METTL21C: variants seen among roughly 807,000 people sequenced by gnomAD.
The protein encoded by METTL21C is methyltransferase 21C, AARS1 lysine, also known as protein-lysine methyltransferase METTL21C.
METTL21C carries 21 observed loss-of-function variants against 25.9 expected under a neutral mutation model. That is an observed-to-expected ratio of 0.81 (90% CI 0.58 to 1.17). The LOEUF (loss-of-function observed/expected upper bound fraction) is 1.17, where lower values mean the gene tolerates loss of function less well. Ranked by LOEUF, METTL21C falls within the 50% of genes most tolerant of loss-of-function variation. The pLI is 0.00. For missense variants in METTL21C, 312 were observed against 315.1 expected, an observed-to-expected ratio of 0.99 and a Z score of 0.07; for synonymous variants, 125 against 124.7, an observed-to-expected ratio of 1.00 and a Z score of -0.01.
the METTL21C span, among the ~76,000 whole-genome samples, chr13:102,700,690 A>G: frequency 6.6e-6 from 1 of 152,216 alleles, no homozygotes. Context: ...TCTGCAGCTC[A>G]CTTTAATCCT....
At chr13:102,698,687 C>T (rs1050278447), upstream of METTL21C, among the ~76,000 whole-genome samples, 1 of 152,066 alleles carries the variant, frequency 6.6e-6, no homozygotes, top group Non-Finnish European at 1.5e-5. Context: ...CCCTTTAAAA[C>T]CCCAACTCAG....
intron 1 of METTL21C, among the ~76,000 whole-genome samples, chr13:102,693,093 A>T (rs888123397): frequency 3.3e-5 from 5 of 152,148 alleles, no homozygotes; most frequent in Admixed American, 2.0e-4. Context: ...GAGAAGCAGC[A>T]TGACTTCGCT....
chr13:102,686,278 GACT>G lies in METTL21C; in HGVS notation c.545_547del (p.Lys182_Ser183delinsThr). On this transcript the variant is annotated inframe_deletion, in exon 4 of 4. Coordinates refer to ENST00000267273, the MANE Select transcript of METTL21C (RefSeq NM_001010977.3). The stretch of plus-strand genomic sequence containing the variant: ...TAGGACGTAATCATAGTAAAAAGCT[GACT>G]TGGGAAAGTTTTTGTCCAGGTCTTC... 1 of 1,614,168 alleles carries G rather than the reference GACT, an allele frequency of 6.2e-7. No homozygotes were observed. The highest frequency in any genetic ancestry group is 1.3e-5 in the African/African-American group (1 of 75,024).
upstream of METTL21C, among the ~76,000 whole-genome samples, chr13:102,698,123 G>A (rs953385125): frequency 6.6e-6 from 1 of 152,136 alleles, no homozygotes; most frequent in African/African-American, 2.4e-5. Context: ...AAAGAATCTG[G>A]CACAGTGCCA....
At chr13:102,692,168 G>A (rs1237738973) in intron 1 of METTL21C, among the ~76,000 whole-genome samples, 1 of 152,164 alleles carries the variant, frequency 6.6e-6, no homozygotes, top group South Asian at 2.1e-4. Flanking sequence ...GGGGGCAGCC[G>A]GTGAACATTG....
At position 102,694,873 on chromosome 13, in the gene METTL21C, TTCTCTCTCTC is replaced by T. The variant is rs111474584; in HGVS notation, c.-385_-376del. On this transcript the variant is annotated 5_prime_UTR_variant, in exon 1 of 4. Coordinates refer to ENST00000267273, the MANE Select transcript of METTL21C (RefSeq NM_001010977.3). ...ATTACTTTGCTAGAATTCTCTCTCT[TTCTCTCTCTC>T]TCTCTCTCTCTCTCTCTCACACACA... Among the ~76,000 whole-genome samples the T allele has an allele frequency of 8.6e-5, 11 of 128,300 alleles. No individual in the cohort carries two copies. The South Asian group carries it at 2.3e-3, about 27-fold the overall frequency. 84.2% of individuals were successfully genotyped at this position (128,300 alleles called of 152,430 possible).
At chr13:102,703,295 G>T in the METTL21C span, among the ~76,000 whole-genome samples, 5 of 152,286 alleles carry the variant, frequency 3.3e-5, no homozygotes, top group East Asian at 1.9e-4. Flanking sequence ...TGGGCAGCTG[G>T]AACTTCTAGC....
chr13:102,690,833 C>T lies in METTL21C; in HGVS notation c.262G>A (p.Gly88Arg), dbSNP rs138387675. The T allele has an allele frequency of 9.6e-5, 155 of 1,614,018 alleles. No homozygotes were observed. Among genetic ancestry groups the T allele is most frequent in the Non-Finnish European group, 5.0e-5 (59 of 1,180,018 alleles). Reference sequence around the variant, plus strand: ...CTCACCCCTGGCCACACCACCGCTCCGTAACTCTCTATGGATTCCTGGATG... The same window carrying T: ...CTCACCCCTGGCCACACCACCGCTCTGTAACTCTCTATGGATTCCTGGATG... ...IVIQESIESY[G>R]AVVWPGAMAL... The change falls in exon 2 of 4, where the codon GGA becomes AGA. Residue 88 changes from glycine (G) to arginine (R), a missense_variant. Transcript: ENST00000267273.
chr13:102,686,117 A>T lies in METTL21C; in HGVS notation c.709T>A (p.Phe237Ile). 1 of 1,614,048 alleles carries T rather than the reference A, an allele frequency of 6.2e-7. No individual in the cohort carries two copies. Among genetic ancestry groups the T allele is most frequent in the Non-Finnish European group, 8.5e-7 (1 of 1,179,908 alleles). ...FSTDYEFLDK[F>I]KQVFDTTLLA... ...AGTGTTGTGTCAAAAACTTGCTTGAATTTATCTAAAAATTCATAGTCGGTG... is the reference window on the plus strand; with the variant it reads ...AGTGTTGTGTCAAAAACTTGCTTGATTTTATCTAAAAATTCATAGTCGGTG... The change falls in exon 4 of 4, where the codon TTC becomes ATC. Residue 237 changes from phenylalanine (F) to isoleucine (I), a missense_variant. Transcript: ENST00000267273.
At chr13:102,704,255 A>G in the METTL21C span, among the ~76,000 whole-genome samples, 1 of 152,228 alleles carries the variant, frequency 6.6e-6, no homozygotes, top group Non-Finnish European at 1.5e-5. Context: ...CTTTCAAGCT[A>G]GGTTCTAATT....
rs199725691 is a variant in METTL21C, at chr13:102,687,098, T to C, written c.283-41A>G. ...AACTTTTCATGTGGGCATTGGAACA[T>C]TGGAAACCAGTAGCAACCCTTTCTG... On this transcript the variant is annotated intron_variant, in intron 2 of 3. Transcript: ENST00000267273. 36 of 1,503,056 alleles carry C rather than the reference T, an allele frequency of 2.4e-5. No homozygotes were observed. The East Asian group carries it at 7.0e-4, about 29-fold the overall frequency. The allele number at this position is 1,503,056 out of a possible 1,614,324, so 93.1% of individuals were successfully genotyped here.
At position 102,694,504 on chromosome 13, in the gene METTL21C, G is replaced by C; in HGVS notation, c.-6C>G. 2.3e-6 allele frequency: 1 copy of C among 441,818 alleles called. No individual in the cohort carries two copies. The highest frequency in any genetic ancestry group is 1.5e-4 in the Admixed American group (1 of 6,706). 27.4% of individuals were successfully genotyped at this position (441,818 alleles called of 1,614,324 possible). A position where few individuals can be genotyped will look rare whatever the true frequency, so the allele number is the denominator to read the frequency against. Reference sequence around the variant, plus strand: ...GAGCTCAGACACACGTCCATAGCCGGCTGTCCCAAAGACAGCTGTGCATTG... The same window carrying C: ...GAGCTCAGACACACGTCCATAGCCGCCTGTCCCAAAGACAGCTGTGCATTG... On this transcript the variant is annotated 5_prime_UTR_variant, in exon 1 of 4. Coordinates refer to ENST00000267273, the MANE Select transcript of METTL21C (RefSeq NM_001010977.3).
intron 1 of METTL21C, among the ~76,000 whole-genome samples, chr13:102,693,184 T>C (rs984387725): frequency 1.3e-5 from 2 of 152,172 alleles, no homozygotes; most frequent in Non-Finnish European, 2.9e-5. Flanking sequence ...CTCGAGAGCA[T>C]AGATATTAGG....
At chr13:102,698,450 C>G (rs1021611114), upstream of METTL21C, among the ~76,000 whole-genome samples, 1 of 152,168 alleles carries the variant, frequency 6.6e-6, no homozygotes, top group African/African-American at 2.4e-5. Flanking sequence ...TATAGATCCC[C>G]TTATCTGCTC....
At chr13:102,699,842 G>C (rs181691899), upstream of METTL21C, among the ~76,000 whole-genome samples, 2 of 152,200 alleles carry the variant, frequency 1.3e-5, no homozygotes, top group Non-Finnish European at 1.5e-5. Flanking sequence ...ACTTCTGGGG[G>C]AGTCCCCTGA....
chr13:102,702,348 G>GA, the METTL21C span, among the ~76,000 whole-genome samples: 1 of 151,938 alleles, frequency 6.6e-6, no homozygotes, highest in African/African-American at 2.4e-5. Context: ...ACAAAGACAG[G>GA]AAAAAGACAA....
the METTL21C span, among the ~76,000 whole-genome samples, chr13:102,702,203 ATATG>A: frequency 9.0e-5 from 13 of 145,036 alleles, no homozygotes; most frequent in African/African-American, 3.7e-4. Flanking sequence ...ACATATATAT[ATATG>A]TAGAGAGAGA....
chr13:102,691,004 C>A, intron 1 of METTL21C, 40 bp from the exon 2 acceptor site: 1 of 1,606,240 alleles, frequency 6.2e-7, no homozygotes, highest in South Asian at 1.1e-5. Context: ...ATGATTTGTT[C>A]AAATCCAGTG....
chr13:102,702,987 T>C, the METTL21C span, among the ~76,000 whole-genome samples: 2 of 152,184 alleles, frequency 1.3e-5, no homozygotes, highest in Non-Finnish European at 2.9e-5. Context: ...CAAAGTACCA[T>C]GGAATAAAAT....
Sources: gnomAD v4.1 joint callset for allele counts (sites outside exome capture counted in the v4.1 genomes callset) on GRCh38, gnomAD v4.1.1 for gene constraint, MANE v1.5 for transcripts, NCBI Gene and HGNC (gene_info 2026-07-23, HGNC 2026-07-21) for gene names.